SOBP: variants seen among roughly 807,000 people sequenced by gnomAD.
SOBP encodes sine oculis-binding protein homolog.
A neutral mutation model predicts 53.6 loss-of-function variants in SOBP; 4 were observed. That is an observed-to-expected ratio of 0.07 (90% CI 0.04 to 0.17). SOBP has a LOEUF of 0.17. Ranked by LOEUF, SOBP falls within the 10% of genes least tolerant of loss-of-function variation. SOBP has a pLI of 1.00. For synonymous variants in SOBP, 584 were observed against 522.6 expected, an observed-to-expected ratio of 1.12 and a Z score of -1.60; for missense variants, 1,088 against 1,204.7, an observed-to-expected ratio of 0.90 and a Z score of 1.43.
intron 4 of SOBP, among the ~76,000 whole-genome samples, chr6:107,555,334 C>T (rs557354214): frequency 6.6e-6 from 1 of 152,288 alleles, no homozygotes; most frequent in Non-Finnish European, 1.5e-5. Context: ...AATTCTCCTT[C>T]TCTCCTCTTT....
In SOBP at chr6:107,624,198, G is replaced by A. The variant is rs79952135; in HGVS notation, c.670-9316G>A. On this transcript the variant is annotated intron_variant, in intron 5 of 6. Coordinates refer to ENST00000317357, the MANE Select transcript of SOBP (RefSeq NM_018013.4). ...GCATTCTTGGGTGGCATTAGCAGAG[G>A]TATAGTGTTTTACATGAGGGAGGAA... Among the ~76,000 whole-genome samples the A allele has an allele frequency of 5.9e-3, 897 of 152,344 alleles. 7 individuals are homozygous for A. Among genetic ancestry groups the A allele is most frequent in the South Asian group, 0.019 (90 of 4,818 alleles).
At chr6:107,585,705 A>G (rs1262196843) in intron 4 of SOBP, among the ~76,000 whole-genome samples, 5 of 152,174 alleles carry the variant, frequency 3.3e-5, no homozygotes, top group Non-Finnish European at 7.4e-5. Context: ...TGTAACCTAA[A>G]TATTACTGAC....
chr6:107,578,783 A>G (rs1353341238), intron 4 of SOBP, among the ~76,000 whole-genome samples: 1 of 152,106 alleles, frequency 6.6e-6, no homozygotes, highest in Non-Finnish European at 1.5e-5. Flanking sequence ...TTTTAATCCC[A>G]TTTGAGGCCG....
At chr6:107,636,683 A>G (rs1771059496) in intron 6 of SOBP, among the ~76,000 whole-genome samples, 1 of 152,174 alleles carries the variant, frequency 6.6e-6, no homozygotes, top group Non-Finnish European at 1.5e-5. Flanking sequence ...GGGACTAGGG[A>G]GATACAAAGG....
chr6:107,564,643 A>C (rs929321707), intron 4 of SOBP, among the ~76,000 whole-genome samples: 5 of 141,056 alleles, frequency 3.5e-5, no homozygotes, highest in Non-Finnish European at 6.1e-5. Flanking sequence ...TTTCAGTAAT[A>C]AAACTGTCTG....
chr6:107,538,769 C>A (rs1368863697), intron 4 of SOBP, among the ~76,000 whole-genome samples: 1 of 152,144 alleles, frequency 6.6e-6, no homozygotes, highest in Non-Finnish European at 1.5e-5. Context: ...GAACAACAAA[C>A]CCAAGTGTTT....
intron 4 of SOBP, among the ~76,000 whole-genome samples, chr6:107,582,574 T>A (rs1371703021): frequency 6.6e-6 from 1 of 152,082 alleles, no homozygotes; most frequent in Non-Finnish European, 1.5e-5. Flanking sequence ...AAAAGAAATT[T>A]CCTTAGAATA....
At chr6:107,575,209 A>G (rs1038440431) in intron 4 of SOBP, among the ~76,000 whole-genome samples, 5 of 152,298 alleles carry the variant, frequency 3.3e-5, no homozygotes, top group Admixed American at 6.5e-5. Context: ...GGTGGTGAGT[A>G]ATAGGGACTT....
intron 5 of SOBP, among the ~76,000 whole-genome samples, chr6:107,608,876 T>A (rs889195579): frequency 6.6e-6 from 1 of 152,148 alleles, no homozygotes; most frequent in Non-Finnish European, 1.5e-5. Context: ...GGAGAGGGAA[T>A]CCAGTGAGTT....
rs529698462 is a variant in SOBP at position 107,659,404 on chromosome 6, T to C, written c.*1201T>C. 4 of 152,254 alleles carry C rather than the reference T, an allele frequency of 2.6e-5. No homozygotes were observed. Among genetic ancestry groups the C allele is most frequent in the Non-Finnish European group, 4.4e-5 (3 of 68,012 alleles). 9.4% of individuals were successfully genotyped at this position (152,254 alleles called of 1,614,324 possible). Reference sequence around the variant, plus strand: ...TGTAGCTGCGAGTCCAGAAGTCCTCTAGAGCATGTGTACTGGCACTGAGTT... The same window carrying C: ...TGTAGCTGCGAGTCCAGAAGTCCTCCAGAGCATGTGTACTGGCACTGAGTT... On this transcript the variant is annotated 3_prime_UTR_variant, in exon 7 of 7. Coordinates refer to ENST00000317357, the MANE Select transcript of SOBP (RefSeq NM_018013.4).
At chr6:107,564,646 A>G (rs1415134795) in intron 4 of SOBP, among the ~76,000 whole-genome samples, 1 of 142,732 alleles carries the variant, frequency 7.0e-6, no homozygotes, top group Non-Finnish European at 1.5e-5. Context: ...CAGTAATAAA[A>G]CTGTCTGGGG....
At chr6:107,622,001 A>G (rs1249688950) in intron 5 of SOBP, among the ~76,000 whole-genome samples, 1 of 152,218 alleles carries the variant, frequency 6.6e-6, no homozygotes, top group Non-Finnish European at 1.5e-5. Flanking sequence ...TTTTTTTAAA[A>G]TAACAGATTT....
intron 4 of SOBP, among the ~76,000 whole-genome samples, chr6:107,568,118 A>G (rs927625188): frequency 6.6e-6 from 1 of 152,186 alleles, no homozygotes. Context: ...AACAATGATC[A>G]CACACTATTG....
At chr6:107,584,211 A>C (rs1320683870) in intron 4 of SOBP, among the ~76,000 whole-genome samples, 2 of 151,810 alleles carry the variant, frequency 1.3e-5, no homozygotes, top group African/African-American at 4.8e-5. Flanking sequence ...GCCCCAGTTA[A>C]AGCACAATCT....
In SOBP at chr6:107,635,159, A is replaced by G; in HGVS notation, c.2315A>G (p.Lys772Arg). 6.2e-7 allele frequency: 1 copy of G among 1,613,564 alleles called. No individual in the cohort carries two copies. The highest frequency in any genetic ancestry group is 8.5e-7 in the Non-Finnish European group (1 of 1,179,876). ...EPAVSELESV[K>R]ENNCASNCHL... is the part of the protein sequence containing the mutation. ...GCGGTGAGCGAGCTAGAGTCGGTCA[A>G]GGAGAATAACTGTGCTTCCAACTGC... The change falls in exon 6 of 7, where the codon AAG becomes AGG. Residue 772 changes from lysine (K) to arginine (R), a missense_variant. This residue lies in a region of SOBP where 665 missense variants were observed against 629.7 expected (regional missense o/e 1.06). Transcript: ENST00000317357. This position sits in a 1 kb window ranked among gnomAD's most constrained non-coding sequence, Gnocchi z 4.5.
intron 4 of SOBP, among the ~76,000 whole-genome samples, chr6:107,567,962 TA>T (rs1374970702): frequency 6.6e-6 from 1 of 152,198 alleles, no homozygotes; most frequent in Non-Finnish European, 1.5e-5. Flanking sequence ...GGGCAGTATT[TA>T]AACTCAGCTG....
At chr6:107,586,066 G>A (rs1785556822) in intron 4 of SOBP, among the ~76,000 whole-genome samples, 2 of 152,154 alleles carry the variant, frequency 1.3e-5, no homozygotes, top group South Asian at 2.1e-4. Flanking sequence ...CTTCCTGTGC[G>A]GCTCTCCCTG....
intron 4 of SOBP, among the ~76,000 whole-genome samples, chr6:107,562,757 A>T (rs1784807947): frequency 6.6e-6 from 1 of 152,182 alleles, no homozygotes; most frequent in African/African-American, 2.4e-5. Context: ...AATCTAAAAA[A>T]AGTCTCAAAA....
At chr6:107,530,975 G>GACAA (rs1783806624) in intron 3 of SOBP, among the ~76,000 whole-genome samples, 2 of 152,346 alleles carry the variant, frequency 1.3e-5, no homozygotes, top group Middle Eastern at 3.4e-3. Context: ...GGGTCTGTCT[G>GACAA]GTGATGATGG....
Sources: gnomAD v4.1 joint callset for allele counts (sites outside exome capture counted in the v4.1 genomes callset) on GRCh38, gnomAD v4.1.1 for gene constraint, gnomAD v4.1.1 regional missense constraint, Gnocchi (gnomAD v3.1) non-coding constraint, MANE v1.5 for transcripts, NCBI Gene and HGNC (gene_info 2026-07-23, HGNC 2026-07-21) for gene names.